SEMA4F: variants seen among roughly 807,000 people sequenced by gnomAD.
SEMA4F encodes the protein ssemaphorin 4F, also known as semaphorin-4F.
SEMA4F carries 51 observed loss-of-function variants against 78.4 expected under a neutral mutation model. The observed-to-expected ratio is 0.65, with a 90% confidence interval of 0.52 to 0.82. SEMA4F has a LOEUF of 0.82. Among genes scored for constraint, SEMA4F ranks in the 40% least tolerant of loss-of-function variants. SEMA4F has a pLI of 0.00. For missense variants in SEMA4F, 938 were observed against 1,014.4 expected, an observed-to-expected ratio of 0.92 and a Z score of 1.02; for synonymous variants, 418 against 408.7, an observed-to-expected ratio of 1.02 and a Z score of -0.27.
intron 12 of SEMA4F, 97 bp from the exon 13 acceptor site, chr2:74,679,179 G>A (rs550490375): frequency 2.1e-6 from 2 of 964,080 alleles, no homozygotes; most frequent in African/African-American, 3.2e-5. Flanking sequence ...TTTCTGGGAT[G>A]ATGGGAGATA....
In SEMA4F at chr2:74,669,177, G is replaced by A. The variant is rs185767864; in HGVS notation, c.551-4280G>A. Among the ~76,000 whole-genome samples the A allele has an allele frequency of 2.0e-3, 310 of 152,108 alleles. 1 individual carries two copies. Among genetic ancestry groups the A allele is most frequent in the Non-Finnish European group, 3.3e-3 (224 of 67,994 alleles). ...AAAAAAATTAGCCAGGCATAGTGGC[G>A]CATGCCTGTGGTCCCAGCTACCTGG... is the stretch of plus-strand genomic sequence containing the variant. On this transcript the variant is annotated intron_variant, in intron 5 of 13. Transcript: ENST00000357877.
Position 74,673,462 on chromosome 2 carries a change from G to A in SEMA4F, c.556G>A (p.Val186Ile), listed in dbSNP as rs772525461. Residue 186 changes from valine to isoleucine, a missense_variant, in exon 6 of 14, where the codon GTC (valine) becomes ATC (isoleucine). By Grantham distance (29) the Val-to-Ile change is conservative. Coordinates refer to ENST00000357877, the MANE Select transcript of SEMA4F (RefSeq NM_004263.5). ...TCCTCCCTGTCGCCCTGCAGGGGGG[G>A]TCCTCTATGCTGCCACTGTGAAAAA... Reference protein sequence around the residue: ...QRSAAVMAGGVLYAATVKNYL... With the variant: ...QRSAAVMAGGILYAATVKNYL... 3.1e-6 allele frequency: 5 copies of A among 1,614,072 alleles called. No homozygotes were observed. The highest frequency in any genetic ancestry group is 4.2e-6 in the Non-Finnish European group (5 of 1,180,004).
rs1411019223 is a variant in SEMA4F, at chr2:74,682,836, A to C, written c.*2627A>C. On this transcript the variant is annotated 3_prime_UTR_variant, in exon 14 of 14. Coordinates refer to ENST00000357877, the MANE Select transcript of SEMA4F (RefSeq NM_004263.5). ...CTCTGGGCCACTATCTGCCTGCTCT[A>C]ATCACCTAGGGCCAGGCACCAGACA... is the stretch of plus-strand genomic sequence containing the variant. 6.6e-6 allele frequency: 1 copy of C among 152,174 alleles called. No homozygotes were observed. The highest frequency in any genetic ancestry group is 1.5e-5 in the Non-Finnish European group (1 of 68,056). 9.4% of individuals were successfully genotyped at this position (152,174 alleles called of 1,614,324 possible). A position where few individuals can be genotyped will look rare whatever the true frequency, so the allele number is the denominator to read the frequency against.
the SEMA4F span, among the ~76,000 whole-genome samples, chr2:74,708,252 G>A: frequency 1.3e-5 from 2 of 152,084 alleles, no homozygotes; most frequent in African/African-American, 4.8e-5. Flanking sequence ...ACCCAGCAAA[G>A]TACATTTACA....
chr2:74,685,480 T>C (rs572201057), downstream of SEMA4F, among the ~76,000 whole-genome samples: 3 of 152,098 alleles, frequency 2.0e-5, no homozygotes, highest in African/African-American at 7.2e-5. Context: ...TCCTTCACCT[T>C]CTCTCAGCTC....
chr2:74,680,347 A>G lies in SEMA4F; in HGVS notation c.*138A>G, dbSNP rs1685549982. 9 of 1,014,770 alleles carry G rather than the reference A, an allele frequency of 8.9e-6. No individual in the cohort carries two copies. In the South Asian group the frequency reaches 1.1e-4, roughly 12 times the overall value. The allele number at this position is 1,014,770 out of a possible 1,614,324, so 62.9% of individuals were successfully genotyped here. A position where few individuals can be genotyped will look rare whatever the true frequency, so the allele number is the denominator to read the frequency against. ...TATGAGTGATTACTTGGATTTTAGTATCTGTTCTCTCTGAGCCTGGATGGG... is the reference window on the plus strand; with the variant it reads ...TATGAGTGATTACTTGGATTTTAGTGTCTGTTCTCTCTGAGCCTGGATGGG... On this transcript the variant is annotated 3_prime_UTR_variant, in exon 14 of 14. Coordinates refer to ENST00000357877, the MANE Select transcript of SEMA4F (RefSeq NM_004263.5).
At chr2:74,701,732 C>G in the SEMA4F span, among the ~76,000 whole-genome samples, 2 of 152,180 alleles carry the variant, frequency 1.3e-5, no homozygotes, top group African/African-American at 4.8e-5. Context: ...TTGGAGGATT[C>G]TCACATCACA....
chr2:74,665,423 G>T (rs938578894), intron 5 of SEMA4F, among the ~76,000 whole-genome samples: 3 of 151,686 alleles, frequency 2.0e-5, no homozygotes, highest in Non-Finnish European at 4.4e-5. Flanking sequence ...TAGAGATGGG[G>T]TTTCACTGTG....
At chr2:74,673,357 T>G in intron 5 of SEMA4F, 100 bp from the exon 6 acceptor site, 104 of 1,446,122 alleles carry the variant, frequency 7.2e-5, no homozygotes, top group Middle Eastern at 2.4e-4. Context: ...GTTTAGTCCC[T>G]GAGAGTCGCT....
chr2:74,678,306 G>A (rs1685401397), intron 12 of SEMA4F, among the ~76,000 whole-genome samples: 1 of 152,146 alleles, frequency 6.6e-6, no homozygotes, highest in Admixed American at 6.5e-5. Context: ...GGTTGTTCTT[G>A]TGTACATTGC....
In SEMA4F at chr2:74,673,437, T is replaced by C. The variant is rs764133796; in HGVS notation, c.551-20T>C. 6 of 1,613,302 alleles carry C rather than the reference T, an allele frequency of 3.7e-6. No individual in the cohort carries two copies. The East Asian group carries it at 1.1e-4, about 30-fold the overall frequency. ...CTCAGTGGGTCCCTGATAGCCCATC[T>C]CCTCCCTGTCGCCCTGCAGGGGGGG... On this transcript the variant is annotated intron_variant, in intron 5 of 13. Transcript: ENST00000357877.
At chr2:74,679,516 G>A (rs1685472529) in intron 13 of SEMA4F, 83 bp from the exon 14 acceptor site, 6 of 1,537,800 alleles carry the variant, frequency 3.9e-6, no homozygotes, top group South Asian at 1.2e-5. Flanking sequence ...CCCTTTTCAT[G>A]TCCGACATCA....
At chr2:74,702,464 A>G in the SEMA4F span, among the ~76,000 whole-genome samples, 2 of 152,132 alleles carry the variant, frequency 1.3e-5, no homozygotes, top group Middle Eastern at 3.2e-3. Context: ...AACTTACTCT[A>G]TGGTAGTTCT....
chr2:74,675,639 G>A lies in SEMA4F; in HGVS notation c.1482+5G>A, dbSNP rs774611251. ...GAGAACATGAAATTGTACCACGTGA[G>A]TTGTAGATTTTGGAGAGTCTATTGG... On this transcript the variant is annotated splice_donor_5th_base_variant and intron_variant, in intron 11 of 13. Transcript: ENST00000357877. 14 of 1,613,758 alleles carry A rather than the reference G, an allele frequency of 8.7e-6. 1 individual carries two copies. The South Asian group carries it at 1.5e-4, about 18-fold the overall frequency.
downstream of SEMA4F, among the ~76,000 whole-genome samples, chr2:74,684,337 A>G (rs2105042031): frequency 6.6e-6 from 1 of 152,258 alleles, no homozygotes; most frequent in Non-Finnish European, 1.5e-5. Context: ...TTGTGTTACT[A>G]GCCAGGGCAG....
intron 1 of SEMA4F, among the ~76,000 whole-genome samples, chr2:74,654,950 C>T (rs1684046106): frequency 6.6e-6 from 1 of 152,212 alleles, no homozygotes; most frequent in Admixed American, 6.5e-5. Context: ...TCCAGCTTGA[C>T]GCCCACTCTG....
At position 74,681,995 on chromosome 2, in the gene SEMA4F, C is replaced by T. The variant is rs1202228399; in HGVS notation, c.*1786C>T. On this transcript the variant is annotated 3_prime_UTR_variant, in exon 14 of 14. Coordinates refer to ENST00000357877, the MANE Select transcript of SEMA4F (RefSeq NM_004263.5). ...GCGAAGTGGGGATAATAAAACCTAC[C>T]TCAGGGTTGCTTCAAGGATTAAATG... The T allele has an allele frequency of 6.6e-6, 1 of 152,544 alleles. No individual in the cohort carries two copies. The highest frequency in any genetic ancestry group is 1.5e-5 in the Non-Finnish European group (1 of 68,034). 9.4% of individuals were successfully genotyped at this position (152,544 alleles called of 1,614,324 possible).
chr2:74,686,883 G>T (rs940421894), downstream of SEMA4F, among the ~76,000 whole-genome samples: 30 of 151,876 alleles, frequency 2.0e-4, 1 homozygote, highest in African/African-American at 7.0e-4. Context: ...GTTGGAGGGT[G>T]GGGGGCTGAG....
chr2:74,664,744 G>A (rs1684595720), intron 5 of SEMA4F, among the ~76,000 whole-genome samples: 1 of 152,066 alleles, frequency 6.6e-6, no homozygotes, highest in African/African-American at 2.4e-5. Flanking sequence ...TCATGTTTTA[G>A]TACTTATTTT....
Sources: allele counts gnomAD v4.1 joint callset (sites outside exome capture counted in the v4.1 genomes callset), GRCh38; gene constraint gnomAD v4.1.1; transcripts MANE v1.5; gene names NCBI Gene and HGNC (gene_info 2026-07-23, HGNC 2026-07-21).